Variants in RBBP4 observed in about 807,000 individuals in gnomAD.
RBBP4 encodes histone-binding protein RBBP4.
Under a neutral mutation model 57.2 loss-of-function variants are expected in RBBP4, and 3 were observed. The observed-to-expected ratio is 0.05, with a 90% CI of 0.02 to 0.14. RBBP4 has a LOEUF of 0.14. Among genes scored for constraint, RBBP4 ranks in the 10% least tolerant of loss-of-function variants. RBBP4 has a pLI of 1.00. For synonymous variants in RBBP4, 151 were observed against 171.5 expected, an observed-to-expected ratio of 0.88 and a Z score of 0.93; for missense variants, 107 against 520.6, an observed-to-expected ratio of 0.21 and a Z score of 7.73.
rs2148542690 is a variant in RBBP4 at position 32,683,654 on chromosome 1, G to A, written c.*3949G>A. 6.0e-6 allele frequency: 1 copy of A among 166,834 alleles called. No individual in the cohort carries two copies. Among genetic ancestry groups the A allele is most frequent in the African/African-American group, 2.4e-5 (1 of 41,976 alleles). 10.3% of individuals were successfully genotyped at this position (166,834 alleles called of 1,614,324 possible). On this transcript the variant is annotated 3_prime_UTR_variant, in exon 12 of 12. Transcript: ENST00000373493. ...GTTTTTTGGGTTTTTGTTTTGTTTT[G>A]AGGCAGTCTCACTCTGTTGTACAAG...
Position 32,683,934 on chromosome 1 carries a change from G to A in RBBP4, c.*4229G>A. The A allele has an allele frequency of 6.7e-7, 1 of 1,489,424 alleles. No individual in the cohort carries two copies. Among genetic ancestry groups the A allele is most frequent in the Non-Finnish European group, 9.3e-7 (1 of 1,072,270 alleles). 92.3% of individuals were successfully genotyped at this position (1,489,424 alleles called of 1,614,324 possible). A position where few individuals can be genotyped will look rare whatever the true frequency, so the allele number is the denominator to read the frequency against. Reference sequence around the variant, plus strand: ...AGGCGTGAGCCACCCCGTCCGGCCTGTTTTTAAGGCATTAATTAGTATTGT... The same window carrying A: ...AGGCGTGAGCCACCCCGTCCGGCCTATTTTTAAGGCATTAATTAGTATTGT... On this transcript the variant is annotated 3_prime_UTR_variant, in exon 12 of 12. Coordinates refer to ENST00000373493, the MANE Select transcript of RBBP4 (RefSeq NM_005610.3).
Position 32,680,021 on chromosome 1 carries a change from C to G in RBBP4, c.*316C>G. ...GCTATATCCCCAAGTTTTTCAGACT[C>G]ATTTAAGTAAAGGCTAGAGTGAGTA... On this transcript the variant is annotated 3_prime_UTR_variant, in exon 12 of 12. Transcript: ENST00000373493. 8.9e-7 allele frequency: 1 copy of G among 1,126,628 alleles called. No homozygotes were observed. The highest frequency in any genetic ancestry group is 2.8e-5 in the South Asian group (1 of 35,108). The allele number at this position is 1,126,628 out of a possible 1,614,324, so 69.8% of individuals were successfully genotyped here. A position where few individuals can be genotyped will look rare whatever the true frequency, so the allele number is the denominator to read the frequency against.
intron 3 of RBBP4, among the ~76,000 whole-genome samples, chr1:32,667,905 GATA>G (rs1360261481): frequency 1.3e-5 from 2 of 152,114 alleles, no homozygotes; most frequent in African/African-American, 4.8e-5. Context: ...ATTGTTCGGG[GATA>G]ATGATGAGGG....
chr1:32,657,200 C>G (rs955760126), intron 2 of RBBP4, among the ~76,000 whole-genome samples: 15 of 152,106 alleles, frequency 9.9e-5, no homozygotes, highest in African/African-American at 3.4e-4. Context: ...CGCTTGAATC[C>G]GAGAGCCAGA....
chr1:32,669,209 C>T lies in RBBP4; in HGVS notation c.762-22C>T, dbSNP rs1412628702. 1.3e-5 allele frequency: 21 copies of T among 1,606,862 alleles called. No individual in the cohort carries two copies. The highest frequency in any genetic ancestry group is 1.8e-5 in the Non-Finnish European group (21 of 1,178,182). On this transcript the variant is annotated intron_variant, in intron 6 of 11. Coordinates refer to ENST00000373493, the MANE Select transcript of RBBP4 (RefSeq NM_005610.3). This position sits in a 1 kb window ranked among gnomAD's most constrained non-coding sequence, Gnocchi z 4.9. ...TAGTCACCATTTCAAGGTTTTTTTC[C>T]TTTGTTTTTTTTTCACTGAAGTTGG...
intron 5 of RBBP4, 50 bp downstream of exon 5, chr1:32,668,904 T>C: frequency 6.2e-7 from 1 of 1,612,796 alleles, no homozygotes. Flanking sequence ...TACCAGTTGG[T>C]TTCTTTTTTG....
chr1:32,684,429 A>T lies in RBBP4; in HGVS notation c.*4724A>T. 6.2e-7 allele frequency: 1 copy of T among 1,611,366 alleles called. No individual in the cohort carries two copies. On this transcript the variant is annotated 3_prime_UTR_variant, in exon 12 of 12. Transcript: ENST00000373493. ...ATTTCTAATGAGCCAAACAATAAAA[A>T]CTCACATTGTCCACTCTTACTTATA...
At chr1:32,665,021 A>T (rs759700509) in intron 3 of RBBP4, among the ~76,000 whole-genome samples, 1 of 152,194 alleles carries the variant, frequency 6.6e-6, no homozygotes, top group Non-Finnish European at 1.5e-5. Flanking sequence ...AACTGAACAC[A>T]TGTTGGGAAA....
intron 2 of RBBP4, among the ~76,000 whole-genome samples, chr1:32,655,185 C>T (rs930583224): frequency 1.3e-5 from 2 of 151,974 alleles, no homozygotes; most frequent in African/African-American, 4.8e-5. Flanking sequence ...CTATGTTGTC[C>T]AGACTGTTCT....
chr1:32,680,347 T>TTG lies in RBBP4; in HGVS notation c.*643_*644insGT, dbSNP rs1553197332. 69 of 1,210,728 alleles carry TTG rather than the reference T, an allele frequency of 5.7e-5. No homozygotes were observed. Among genetic ancestry groups the TTG allele is most frequent in the African/African-American group, 1.5e-4 (9 of 58,250 alleles). 75.0% of individuals were successfully genotyped at this position (1,210,728 alleles called of 1,614,324 possible). ...CTGTCTGTGAAATGGTGTTTTTTTT[T>TTG]TTGTTGTTGGTTTTTTTTTTTTTTT... On this transcript the variant is annotated 3_prime_UTR_variant, in exon 12 of 12. Transcript: ENST00000373493.
At chr1:32,677,164 C>G (rs749963985) in intron 11 of RBBP4, among the ~76,000 whole-genome samples, 2 of 152,056 alleles carry the variant, frequency 1.3e-5, no homozygotes, top group Non-Finnish European at 2.9e-5. Flanking sequence ...TTGGACCACA[C>G]CTGAGTTTGT....
At chr1:32,678,542 A>C (rs2148534235) in intron 11 of RBBP4, among the ~76,000 whole-genome samples, 1 of 133,156 alleles carries the variant, frequency 7.5e-6, no homozygotes, top group African/African-American at 2.9e-5. Context: ...ACCTTATATA[A>C]ATAAAATCCT....
chr1:32,653,637 GTTTTTT>G (rs1053666893), intron 2 of RBBP4, among the ~76,000 whole-genome samples: 3 of 20,782 alleles, frequency 1.4e-4, no homozygotes, highest in East Asian at 2.4e-3. Flanking sequence ...TTGTTTTCTG[GTTTTTT>G]TTTTTTTTTT....
rs555822465 is a variant in RBBP4, at chr1:32,683,629, G to A, written c.*3924G>A. ...CACACAAGGGTTTTTTGTTGTTTTT[G>A]TTTTTTGGGTTTTTGTTTTGTTTTG... On this transcript the variant is annotated 3_prime_UTR_variant, in exon 12 of 12. Coordinates refer to ENST00000373493, the MANE Select transcript of RBBP4 (RefSeq NM_005610.3). 10 of 159,414 alleles carry A rather than the reference G, an allele frequency of 6.3e-5. No individual in the cohort carries two copies. Among genetic ancestry groups the A allele is most frequent in the African/African-American group, 2.4e-4 (10 of 41,678 alleles). The allele number at this position is 159,414 out of a possible 1,614,324, so 9.9% of individuals were successfully genotyped here. A position where few individuals can be genotyped will look rare whatever the true frequency, so the allele number is the denominator to read the frequency against.
At position 32,669,563 on chromosome 1, in the gene RBBP4, G is replaced by A. The variant is rs1648782576; in HGVS notation, c.966G>A (p.Gln322=). ...SFESHKDEIF[Q]VQWSPHNETI... is the part of the protein sequence containing the mutation. ...AGTCACATAAGGATGAAATATTCCA[G>A]GTAAGAGAAACTAATGCTACTATTT... The change falls in exon 8 of 12, where the codon CAG becomes CAA. Residue 322 remains glutamine, a splice_region_variant and synonymous_variant. Transcript: ENST00000373493. The surrounding 1 kb of genome is among the most constrained non-coding windows in gnomAD (Gnocchi z 4.9). 3 of 1,592,516 alleles carry A rather than the reference G, an allele frequency of 1.9e-6. No homozygotes were observed. Among genetic ancestry groups the A allele is most frequent in the African/African-American group, 2.7e-5 (2 of 73,330 alleles).
Position 32,669,629 on chromosome 1 carries a change from G to A in RBBP4, c.966+66G>A, listed in dbSNP as rs1193326022. On this transcript the variant is annotated intron_variant, in intron 8 of 11. Coordinates refer to ENST00000373493, the MANE Select transcript of RBBP4 (RefSeq NM_005610.3). The surrounding 1 kb of genome is among the most constrained non-coding windows in gnomAD (Gnocchi z 4.9). The stretch of plus-strand genomic sequence containing the variant: ...AAACCTGCTGGGCGCGGTCGCTCAC[G>A]CCTGTAATCCCAGCACTTTGGGAGG... 6 of 1,534,688 alleles carry A rather than the reference G, an allele frequency of 3.9e-6. No individual in the cohort carries two copies. Among genetic ancestry groups the A allele is most frequent in the African/African-American group, 1.4e-5 (1 of 71,914 alleles).
Position 32,661,811 on chromosome 1 carries a change from T to C in RBBP4, c.310+4239T>C, listed in dbSNP as rs75942688. Among the ~76,000 whole-genome samples, 580 of 144,538 alleles carry C rather than the reference T, an allele frequency of 4.0e-3. 12 individuals are homozygous for C. In the East Asian group the frequency reaches 0.059, roughly 15 times the overall value. 94.8% of individuals were successfully genotyped at this position (144,538 alleles called of 152,430 possible). Reference sequence around the variant, plus strand: ...ATTGGTGATGTTGATCTTTTTTTTTTCACATTCGTTGTCTGCTTATATGTG... The same window carrying C: ...ATTGGTGATGTTGATCTTTTTTTTTCCACATTCGTTGTCTGCTTATATGTG... On this transcript the variant is annotated intron_variant, in intron 3 of 11. Coordinates refer to ENST00000373493, the MANE Select transcript of RBBP4 (RefSeq NM_005610.3).
intron 11 of RBBP4, chr1:32,673,397 CCTATCT>C (rs1648955629): frequency 2.6e-6 from 1 of 388,082 alleles, no homozygotes; most frequent in African/African-American, 2.2e-5. Context: ...AAAAATGTTC[CCTATCT>C]CTATCTCAAA....
In RBBP4 at chr1:32,669,434, A is replaced by AT. The variant is rs529717270; in HGVS notation, c.889-42dup. ...ATTGCAGAGATATTTTACTTACAGT[A>AT]TTTTTTTTTTCTTAAAAAATTGATT... On this transcript the variant is annotated intron_variant, in intron 7 of 11. Coordinates refer to ENST00000373493, the MANE Select transcript of RBBP4 (RefSeq NM_005610.3). The surrounding 1 kb of genome is among the most constrained non-coding windows in gnomAD (Gnocchi z 4.9). The AT allele has an allele frequency of 1.5e-3, 2,177 of 1,460,442 alleles. 1 individual carries two copies. Among genetic ancestry groups the AT allele is most frequent in the Middle Eastern group, 4.0e-3 (16 of 3,974 alleles). 90.5% of individuals were successfully genotyped at this position (1,460,442 alleles called of 1,614,324 possible). A position where few individuals can be genotyped will look rare whatever the true frequency, so the allele number is the denominator to read the frequency against.
Sources: gnomAD v4.1 joint callset for allele counts (sites outside exome capture counted in the v4.1 genomes callset) on GRCh38, gnomAD v4.1.1 for gene constraint, Gnocchi (gnomAD v3.1) non-coding constraint, MANE v1.5 for transcripts, NCBI Gene and HGNC (gene_info 2026-07-23, HGNC 2026-07-21) for gene names.